RGPD2: variants seen among roughly 807,000 people sequenced by gnomAD.
The protein encoded by RGPD2 is RANBP2 like and GRIP domain containing 2, also known as RANBP2-like and GRIP domain-containing protein 2.
Under a neutral mutation model 36.0 loss-of-function variants are expected in RGPD2, and 2 were observed. That is an observed-to-expected ratio of 0.06 (90% confidence interval 0.02 to 0.17). RGPD2 has a LOEUF of 0.17. Ranked by LOEUF, RGPD2 falls within the 10% of genes least tolerant of loss-of-function variation. The probability of loss-of-function intolerance (pLI) is 1.00; values close to 1 mark genes in which losing one functional copy is unlikely to be tolerated. For synonymous variants in RGPD2, 19 were observed against 163.8 expected, an observed-to-expected ratio of 0.12 and a Z score of 6.75; for missense variants, 40 against 464.3, an observed-to-expected ratio of 0.09 and a Z score of 8.40.
the RGPD2 span, among the ~76,000 whole-genome samples, chr2:87,920,859 T>C: frequency 1.3e-4 from 13 of 101,548 alleles, 2 homozygotes; most frequent in African/African-American, 5.4e-4. Context: ...GACCTTCAAC[T>C]AAGTCACTTA....
the RGPD2 span, among the ~76,000 whole-genome samples, chr2:87,932,622 A>G: frequency 6.7e-6 from 1 of 149,334 alleles, no homozygotes; most frequent in Admixed American, 6.7e-5. Flanking sequence ...TGATTTCTTC[A>G]GGAGCTCTTG....
chr2:87,846,417 GA>G, the RGPD2 span, among the ~76,000 whole-genome samples: 132 of 152,058 alleles, frequency 8.7e-4, no homozygotes, highest in African/African-American at 3.0e-3. Flanking sequence ...TATACATTAT[GA>G]TATTGTTCCC....
the RGPD2 span, among the ~76,000 whole-genome samples, chr2:87,958,545 G>A: frequency 6.6e-6 from 1 of 152,288 alleles, no homozygotes; most frequent in Non-Finnish European, 1.5e-5. Context: ...ATTAAATGCT[G>A]AAATTTAAAA....
the RGPD2 span, among the ~76,000 whole-genome samples, chr2:87,831,010 T>G: frequency 2.0e-5 from 3 of 152,184 alleles, no homozygotes; most frequent in Admixed American, 1.3e-4. Flanking sequence ...GCTTTAAAAT[T>G]AAAGTTATTT....
the RGPD2 span, among the ~76,000 whole-genome samples, chr2:87,983,877 C>T: frequency 2.0e-5 from 3 of 152,328 alleles, no homozygotes; most frequent in South Asian, 4.1e-4. Context: ...TGGGATGATG[C>T]GTGCAAAGCA....
At chr2:87,809,672 C>G (rs1686093372) in intron 6 of RGPD2, among the ~76,000 whole-genome samples, 2 of 149,476 alleles carry the variant, frequency 1.3e-5, no homozygotes, top group South Asian at 4.3e-4. Context: ...TCACCCACCA[C>G]CCTAAGCCAC....
At chr2:87,831,343 A>G in the RGPD2 span, among the ~76,000 whole-genome samples, 2 of 152,194 alleles carry the variant, frequency 1.3e-5, no homozygotes, top group Admixed American at 6.5e-5. Context: ...TCTAACATAT[A>G]TGTTGTTAGA....
the RGPD2 span, among the ~76,000 whole-genome samples, chr2:87,979,027 A>T: frequency 1.1e-4 from 17 of 148,676 alleles, no homozygotes; most frequent in African/African-American, 4.2e-4. Context: ...TGAGGCCAGG[A>T]GTTTGAGACC....
Position 87,825,543 on chromosome 2 carries a change from CCGCCGCCCGGCCAGGTCGA to C in RGPD2, c.72+96_72+114del, listed in dbSNP as rs1558740013. ...CGCCCGGCCGAGGCCGAGGCCGAGG[CCGCCGCCCGGCCAGGTCGA>C]GGCCGCCGCCCGGCCAGGTCGAGGC... On this transcript the variant is annotated intron_variant, in intron 1 of 22. Transcript: ENST00000398146. 45 of 725,244 alleles carry C rather than the reference CCGCCGCCCGGCCAGGTCGA, an allele frequency of 6.2e-5. No homozygotes were observed. The Admixed American group carries it at 1.8e-3, about 29-fold the overall frequency. The allele number at this position is 725,244 out of a possible 1,614,324, so 44.9% of individuals were successfully genotyped here.
At chr2:87,973,047 T>C in the RGPD2 span, 1 of 1,587,212 alleles carries the variant, frequency 6.3e-7, no homozygotes, top group Non-Finnish European at 8.6e-7. Context: ...GAGGATGTGG[T>C]TCACCGCCCA....
the RGPD2 span, among the ~76,000 whole-genome samples, chr2:87,988,123 G>C: frequency 6.6e-6 from 1 of 151,142 alleles, no homozygotes; most frequent in Non-Finnish European, 1.5e-5. Context: ...TGGAAACCAA[G>C]ATATGTCATG....
At chr2:87,857,274 G>A in the RGPD2 span, among the ~76,000 whole-genome samples, 1 of 152,098 alleles carries the variant, frequency 6.6e-6, no homozygotes, top group Non-Finnish European at 1.5e-5. Context: ...AATAGGTTAT[G>A]GCTTACTAAA....
At chr2:87,841,532 C>G in the RGPD2 span, among the ~76,000 whole-genome samples, 1 of 152,118 alleles carries the variant, frequency 6.6e-6, no homozygotes, top group Middle Eastern at 3.4e-3. Flanking sequence ...ATTTCAGAGC[C>G]TGTTATTGGT....
chr2:87,984,712 C>T, the RGPD2 span, among the ~76,000 whole-genome samples: 5 of 147,512 alleles, frequency 3.4e-5, no homozygotes, highest in South Asian at 2.2e-4. Flanking sequence ...GGGCAGATCA[C>T]GAGGTCAGGA....
At chr2:87,951,742 A>G in the RGPD2 span, among the ~76,000 whole-genome samples, 1 of 142,628 alleles carries the variant, frequency 7.0e-6, no homozygotes, top group East Asian at 2.1e-4. Context: ...GTGCCACCAC[A>G]CCTGGCTAAC....
intron 6 of RGPD2, among the ~76,000 whole-genome samples, chr2:87,807,318 G>A (rs1685988648): frequency 6.9e-6 from 1 of 144,248 alleles, no homozygotes; most frequent in South Asian, 2.1e-4. Flanking sequence ...TAACTGACAG[G>A]TATTTGAGTA....
the RGPD2 span, among the ~76,000 whole-genome samples, chr2:87,964,897 C>T: frequency 6.7e-6 from 1 of 148,404 alleles, no homozygotes; most frequent in Non-Finnish European, 1.5e-5. Flanking sequence ...CTAGGTGTTG[C>T]CCATGCCTAC....
At chr2:87,897,166 T>G in the RGPD2 span, among the ~76,000 whole-genome samples, 1 of 149,582 alleles carries the variant, frequency 6.7e-6, no homozygotes, top group Non-Finnish European at 1.5e-5. Flanking sequence ...ATTGTTTTAT[T>G]TGGAGGAAAG....
At chr2:87,945,312 A>AAATTCT in the RGPD2 span, among the ~76,000 whole-genome samples, 1 of 151,590 alleles carries the variant, frequency 6.6e-6, no homozygotes, top group Non-Finnish European at 1.5e-5. Flanking sequence ...CAAAATTATA[A>AAATTCT]TGCCATGCAA....
Sources: gnomAD v4.1 joint callset for allele counts (sites outside exome capture counted in the v4.1 genomes callset) on GRCh38, gnomAD v4.1.1 for gene constraint, MANE v1.5 for transcripts, NCBI Gene and HGNC (gene_info 2026-07-23, HGNC 2026-07-21) for gene names.